Variants in NKAIN2 observed in about 807,000 individuals in gnomAD.
NKAIN2 encodes the protein sodium/potassium-transporting ATPase subunit beta-1-interacting protein 2.
In NKAIN2, 14 loss-of-function variants were observed where a neutral mutation model predicts 32.6. The observed-to-expected ratio is 0.43, with a 90% CI of 0.28 to 0.67. The LOEUF (loss-of-function observed/expected upper bound fraction) is 0.67. NKAIN2 is among the 30% of genes least tolerant of loss of function. The pLI is 0.17. For missense variants in NKAIN2, 198 were observed against 258.3 expected, an observed-to-expected ratio of 0.77 and a Z score of 1.60; for synonymous variants, 80 against 87.2, an observed-to-expected ratio of 0.92 and a Z score of 0.46.
intron 4 of NKAIN2, among the ~76,000 whole-genome samples, chr6:124,743,773 TG>T (rs897030977): frequency 1.1e-4 from 16 of 152,006 alleles, no homozygotes; most frequent in African/African-American, 3.9e-4. Context: ...AGTTATCATC[TG>T]TTATCAAGGT....
chr6:124,692,030 C>T (rs556951003), intron 4 of NKAIN2, among the ~76,000 whole-genome samples: 236 of 152,120 alleles, frequency 1.6e-3, no homozygotes, highest in African/African-American at 4.4e-3. Flanking sequence ...ATGCGATATT[C>T]GAATAAAACT....
At chr6:124,045,396 T>C (rs1321017729) in intron 1 of NKAIN2, among the ~76,000 whole-genome samples, 1 of 151,848 alleles carries the variant, frequency 6.6e-6, no homozygotes, top group Non-Finnish European at 1.5e-5. Context: ...AATGGAAAGG[T>C]GTTATGAAAA....
chr6:123,829,055 A>G (rs569424986), intron 1 of NKAIN2: 31 of 152,348 alleles, frequency 2.0e-4, no homozygotes, highest in African/African-American at 7.5e-4. Context: ...CATTGAATAG[A>G]TAATGATTCC....
chr6:124,599,656 G>A (rs757504243), intron 3 of NKAIN2, among the ~76,000 whole-genome samples: 12 of 152,074 alleles, frequency 7.9e-5, no homozygotes, highest in East Asian at 5.8e-4. Flanking sequence ...TTGAAATGTC[G>A]TTTTTATAAA....
At chr6:123,948,828 T>C (rs1156680545) in intron 1 of NKAIN2, among the ~76,000 whole-genome samples, 1 of 151,904 alleles carries the variant, frequency 6.6e-6, no homozygotes, top group African/African-American at 2.4e-5. Context: ...AGCGATAAAA[T>C]GTTTGCCTAG....
intron 1 of NKAIN2, among the ~76,000 whole-genome samples, chr6:124,031,786 A>C (rs1781416931): frequency 6.6e-6 from 1 of 152,034 alleles, no homozygotes; most frequent in African/African-American, 2.4e-5. Flanking sequence ...AGCTTTTGAT[A>C]ATTTCTGTTC....
intron 3 of NKAIN2, among the ~76,000 whole-genome samples, chr6:124,537,635 G>C (rs963534798): frequency 6.6e-6 from 1 of 152,100 alleles, no homozygotes; most frequent in Non-Finnish European, 1.5e-5. Flanking sequence ...ATCAGTTTCT[G>C]ACACTATCAT....
chr6:124,763,296 A>G (rs952151766), intron 4 of NKAIN2, among the ~76,000 whole-genome samples: 1 of 152,210 alleles, frequency 6.6e-6, no homozygotes, highest in East Asian at 1.9e-4. Context: ...GTTATTTACA[A>G]AGAAAAGAGG....
At chr6:124,759,564 C>T (rs993587024) in intron 4 of NKAIN2, among the ~76,000 whole-genome samples, 1 of 146,084 alleles carries the variant, frequency 6.8e-6, no homozygotes, top group South Asian at 2.2e-4. Flanking sequence ...AAGTCTGCCC[C>T]CTAGCCACCC....
At chr6:124,287,075 C>T (rs1302574513) in intron 2 of NKAIN2, among the ~76,000 whole-genome samples, 4 of 152,112 alleles carry the variant, frequency 2.6e-5, no homozygotes, top group Non-Finnish European at 4.4e-5. Context: ...AAGACATTTA[C>T]CTTTAAAACA....
chr6:124,820,511 A>G (rs1368764925), intron 6 of NKAIN2, among the ~76,000 whole-genome samples: 1 of 152,242 alleles, frequency 6.6e-6, no homozygotes, highest in Non-Finnish European at 1.5e-5. Context: ...GTGGTAGAAT[A>G]ATGCTTGTGT....
chr6:124,444,965 A>G (rs1035322725), intron 3 of NKAIN2, among the ~76,000 whole-genome samples: 8 of 152,050 alleles, frequency 5.3e-5, no homozygotes, highest in African/African-American at 1.9e-4. Flanking sequence ...GCAACTCTTC[A>G]TCAAAAGGAA....
chr6:124,464,101 C>CCCCA (rs1776644794), intron 3 of NKAIN2, among the ~76,000 whole-genome samples: 1 of 152,046 alleles, frequency 6.6e-6, no homozygotes, highest in South Asian at 2.1e-4. Context: ...TATTCTCATG[C>CCCCA]CCCAGCCTCC....
chr6:124,330,658 C>T (rs1797613491), intron 2 of NKAIN2, among the ~76,000 whole-genome samples: 1 of 152,166 alleles, frequency 6.6e-6, no homozygotes, highest in Non-Finnish European at 1.5e-5. Flanking sequence ...GAATAATTAG[C>T]ATCTCAGTCC....
At chr6:124,304,255 C>T (rs1796419251) in intron 2 of NKAIN2, among the ~76,000 whole-genome samples, 1 of 152,116 alleles carries the variant, frequency 6.6e-6, no homozygotes, top group African/African-American at 2.4e-5. Context: ...GAGCTTTATT[C>T]ATTGACTGAA....
chr6:124,624,208 C>T (rs527348903), intron 3 of NKAIN2, among the ~76,000 whole-genome samples: 11 of 152,200 alleles, frequency 7.2e-5, no homozygotes, highest in African/African-American at 1.7e-4. Context: ...TTGCATATAG[C>T]GAATCCCAGA....
At chr6:124,526,931 G>T (rs767975262) in intron 3 of NKAIN2, among the ~76,000 whole-genome samples, 15 of 152,122 alleles carry the variant, frequency 9.9e-5, no homozygotes, top group Non-Finnish European at 1.9e-4. Context: ...TTTCTGGTCT[G>T]AATCATTTTT....
chr6:124,796,100 G>A (rs1779985122), intron 5 of NKAIN2, among the ~76,000 whole-genome samples: 1 of 152,100 alleles, frequency 6.6e-6, no homozygotes, highest in South Asian at 2.1e-4. Flanking sequence ...GGGGATGACA[G>A]CAACCCTCAG....
chr6:124,713,363 T>G (rs1663261429), intron 4 of NKAIN2, among the ~76,000 whole-genome samples: 1 of 152,126 alleles, frequency 6.6e-6, no homozygotes, highest in Non-Finnish European at 1.5e-5. Context: ...TGGCCTGAAT[T>G]ATAGTACAGA....
Sources: allele counts gnomAD v4.1 joint callset (sites outside exome capture counted in the v4.1 genomes callset), GRCh38; gene constraint gnomAD v4.1.1; transcripts MANE v1.5; gene names NCBI Gene and HGNC (gene_info 2026-07-23, HGNC 2026-07-21).